The following CMSS1 variants were observed in gnomAD, a reference collection of about 807,000 sequenced individuals.
CMSS1 encodes protein CMSS1.
A neutral mutation model predicts 43.5 loss-of-function variants in CMSS1; 33 were observed. The observed-to-expected ratio is 0.76, with a 90% confidence interval of 0.57 to 1.01. The LOEUF (loss-of-function observed/expected upper bound fraction) is 1.01, where lower values mean the gene tolerates loss of function less well. Ranked by LOEUF, CMSS1 falls within the 50% of genes least tolerant of loss-of-function variation. The pLI is 0.00. For missense variants in CMSS1, 313 were observed against 326.4 expected (o/e 0.96, Z 0.32); for synonymous variants, 115 against 117.2 (o/e 0.98, Z 0.12).
chr3:100,056,322 G>A (rs1575998754), intron 1 of CMSS1, among the ~76,000 whole-genome samples: 1 of 152,086 alleles, frequency 6.6e-6, no homozygotes, highest in Non-Finnish European at 1.5e-5. Flanking sequence ...CATAAATATT[G>A]TTACATTTTC....
At chr3:99,829,165 T>C (rs1022132792) in intron 1 of CMSS1, among the ~76,000 whole-genome samples, 1 of 152,224 alleles carries the variant, frequency 6.6e-6, no homozygotes, top group African/African-American at 2.4e-5. Flanking sequence ...GAGGATTTCT[T>C]CCAGGGTCAT....
At chr3:100,151,454 C>T (rs113484444) in intron 2 of CMSS1, among the ~76,000 whole-genome samples, 6,728 of 152,152 alleles carry the variant, frequency 0.044, 393 homozygotes, top group African/African-American at 0.14. Flanking sequence ...GTGTGGATGC[C>T]GGCACGTCTC....
chr3:99,954,065 G>A (rs1310252866), intron 1 of CMSS1, among the ~76,000 whole-genome samples: 1 of 152,246 alleles, frequency 6.6e-6, no homozygotes, highest in East Asian at 1.9e-4. Context: ...GAAGGTGGTG[G>A]CATCTCAGTT....
rs118019222 is a variant in CMSS1, at chr3:99,952,885, A to T, written c.64+134842A>T. On this transcript the variant is annotated intron_variant, in intron 1 of 9. Transcript: ENST00000421999. ...ATTGTTTTTCTGCATAATGAAAAAAAGAATGCTATAGAGGTATACCCCCAA... is the reference window on the plus strand; with the variant it reads ...ATTGTTTTTCTGCATAATGAAAAAATGAATGCTATAGAGGTATACCCCCAA... Among the ~76,000 whole-genome samples, 24 of 152,306 alleles carry T rather than the reference A, an allele frequency of 1.6e-4. No individual in the cohort carries two copies. The East Asian group carries it at 4.6e-3, about 29-fold the overall frequency.
chr3:100,126,710 A>T (rs1242842596), intron 1 of CMSS1, among the ~76,000 whole-genome samples: 2 of 152,314 alleles, frequency 1.3e-5, no homozygotes, highest in East Asian at 3.9e-4. Context: ...CAAAAGAAGA[A>T]AGTTGGGGCT....
chr3:100,053,231 T>G (rs1251918735), intron 1 of CMSS1, among the ~76,000 whole-genome samples: 1 of 152,182 alleles, frequency 6.6e-6, no homozygotes, highest in African/African-American at 2.4e-5. Context: ...CCATAACAGA[T>G]TACCACAAAT....
At chr3:100,021,523 G>A (rs1188121249) in intron 1 of CMSS1, among the ~76,000 whole-genome samples, 2 of 152,142 alleles carry the variant, frequency 1.3e-5, no homozygotes, top group African/African-American at 2.4e-5. Context: ...AAATCTGAGT[G>A]CCAGAAAGAA....
intron 1 of CMSS1, among the ~76,000 whole-genome samples, chr3:99,961,120 A>G (rs1168249644): frequency 6.6e-6 from 1 of 152,214 alleles, no homozygotes; most frequent in South Asian, 2.1e-4. Flanking sequence ...AATGCAATAA[A>G]TCTAAAGTTG....
intron 1 of CMSS1, chr3:99,898,741 C>T (rs952229039): frequency 6.8e-6 from 1 of 147,068 alleles, no homozygotes; most frequent in Admixed American, 6.8e-5. Flanking sequence ...ACTCCAGCCT[C>T]GGCAGCAGAG....
intron 1 of CMSS1, among the ~76,000 whole-genome samples, chr3:100,124,519 C>G (rs2066647296): frequency 6.6e-6 from 1 of 152,202 alleles, no homozygotes; most frequent in Non-Finnish European, 1.5e-5. Context: ...CCCCAGGTCA[C>G]AGCTGGTGAC....
At chr3:100,128,225 T>G (rs1354111921) in intron 1 of CMSS1, among the ~76,000 whole-genome samples, 2 of 152,224 alleles carry the variant, frequency 1.3e-5, no homozygotes, top group Non-Finnish European at 2.9e-5. Context: ...CTTCTACCCT[T>G]CAACATCCTC....
At chr3:100,175,992 G>A (rs890942600) in intron 8 of CMSS1, among the ~76,000 whole-genome samples, 1 of 152,128 alleles carries the variant, frequency 6.6e-6, no homozygotes, top group African/African-American at 2.4e-5. Flanking sequence ...CCCAAACTGC[G>A]GGATTTAACT....
At chr3:99,836,555 G>A (rs540627189) in intron 1 of CMSS1, among the ~76,000 whole-genome samples, 1 of 152,112 alleles carries the variant, frequency 6.6e-6, no homozygotes, top group African/African-American at 2.4e-5. Flanking sequence ...CCACTCAACT[G>A]CCGCTCTTTT....
chr3:99,964,865 A>C (rs1306854512), intron 1 of CMSS1, among the ~76,000 whole-genome samples: 1 of 152,134 alleles, frequency 6.6e-6, no homozygotes, highest in Non-Finnish European at 1.5e-5. Flanking sequence ...CTCTTTCCTA[A>C]GTTAATATTA....
At chr3:100,107,968 A>T (rs541944012) in intron 1 of CMSS1, among the ~76,000 whole-genome samples, 1 of 152,124 alleles carries the variant, frequency 6.6e-6, no homozygotes, top group African/African-American at 2.4e-5. Flanking sequence ...TCGGTCAAGA[A>T]AATTTCTGGT....
chr3:100,143,807 A>G (rs1241700335), intron 1 of CMSS1, among the ~76,000 whole-genome samples: 1 of 152,160 alleles, frequency 6.6e-6, no homozygotes, highest in Non-Finnish European at 1.5e-5. Flanking sequence ...TTATCATTAT[A>G]TAATGTCTCT....
intron 1 of CMSS1, among the ~76,000 whole-genome samples, chr3:99,837,125 A>G (rs183460187): frequency 6.6e-6 from 1 of 152,220 alleles, no homozygotes; most frequent in Admixed American, 6.5e-5. Context: ...ATTAATACAT[A>G]CTCTTATAAT....
At chr3:100,173,056 T>C (rs1415457629) in intron 8 of CMSS1, among the ~76,000 whole-genome samples, 1 of 152,234 alleles carries the variant, frequency 6.6e-6, no homozygotes, top group Non-Finnish European at 1.5e-5. Context: ...TTTTTTTAAA[T>C]AACTGTCTGG....
intron 1 of CMSS1, among the ~76,000 whole-genome samples, chr3:100,029,881 A>G (rs2064994706): frequency 6.6e-6 from 1 of 152,166 alleles, no homozygotes; most frequent in Non-Finnish European, 1.5e-5. Context: ...ATCAAACTAT[A>G]TGTCATCTGG....
Sources: allele counts gnomAD v4.1 joint callset (sites outside exome capture counted in the v4.1 genomes callset), GRCh38; gene constraint gnomAD v4.1.1; transcripts MANE v1.5; gene names NCBI Gene and HGNC (gene_info 2026-07-23, HGNC 2026-07-21).